SOX5: variants seen among roughly 807,000 people sequenced by gnomAD.
The protein encoded by SOX5 is transcription factor SOX-5.
Under a neutral mutation model 92.0 loss-of-function variants are expected in SOX5, and 9 were observed. The ratio of observed to expected loss-of-function variants is 0.10; its 90% CI spans 0.06 to 0.17. SOX5 has a LOEUF of 0.17. SOX5 is among the 10% of genes least tolerant of loss of function. SOX5 has a pLI of 1.00. For synonymous variants in SOX5, 344 were observed against 336.3 expected (o/e 1.02, Z -0.25); for missense variants, 642 against 944.5 (o/e 0.68, Z 4.20).
intron 7 of SOX5, among the ~76,000 whole-genome samples, chr12:23,647,697 C>G (rs2081040502): frequency 6.6e-6 from 1 of 152,186 alleles, no homozygotes; most frequent in Non-Finnish European, 1.5e-5. Context: ...AGATGGCTTC[C>G]TGAACCAACC....
intron 4 of SOX5, among the ~76,000 whole-genome samples, chr12:24,008,057 G>A (rs1952512869): frequency 6.6e-6 from 1 of 151,858 alleles, no homozygotes; most frequent in African/African-American, 2.4e-5. Flanking sequence ...CGTCTATAGA[G>A]AGAAATAACT....
At chr12:23,788,747 G>A (rs1047898095) in intron 3 of SOX5, among the ~76,000 whole-genome samples, 4 of 151,820 alleles carry the variant, frequency 2.6e-5, no homozygotes, top group Non-Finnish European at 5.9e-5. Flanking sequence ...ATTCTATATT[G>A]TTGAATAAAC....
intron 6 of SOX5, among the ~76,000 whole-genome samples, chr12:23,700,042 A>T (rs888575875): frequency 2.6e-5 from 4 of 152,160 alleles, no homozygotes; most frequent in African/African-American, 9.7e-5. Flanking sequence ...GAGTCATTGC[A>T]TATTTCCGCT....
At chr12:24,490,612 C>G (rs1269555994) in intron 1 of SOX5, among the ~76,000 whole-genome samples, 1 of 152,036 alleles carries the variant, frequency 6.6e-6, no homozygotes, top group East Asian at 1.9e-4. Context: ...GTTACATGGG[C>G]AGCTCACAGT....
chr12:24,419,801 G>A (rs1965634198), intron 1 of SOX5, among the ~76,000 whole-genome samples: 1 of 152,092 alleles, frequency 6.6e-6, no homozygotes, highest in Non-Finnish European at 1.5e-5. Flanking sequence ...ATAAACATTG[G>A]CAAATGGTGA....
chr12:23,530,210 A>T lies in SOX5; in HGVS notation c.*4009T>A, dbSNP rs1164730485. 1 of 152,348 alleles carries T rather than the reference A, an allele frequency of 6.6e-6. No individual in the cohort carries two copies. The highest frequency in any genetic ancestry group is 1.9e-4 in the East Asian group (1 of 5,194). 9.4% of individuals were successfully genotyped at this position (152,348 alleles called of 1,614,324 possible). ...TTAATTTGATAGACAAATACCTTAT[A>T]AACCTGTTTGTAAATATACAGTTGT... On this transcript the variant is annotated 3_prime_UTR_variant, in exon 15 of 15. Transcript: ENST00000451604.
intron 13 of SOX5, 129 bp from the exon 14 acceptor site, chr12:23,536,798 T>A (rs1940572918): frequency 1.4e-6 from 1 of 698,050 alleles, no homozygotes; most frequent in African/African-American, 1.8e-5. Flanking sequence ...AAACCTGTTT[T>A]TGATTAGTGA....
chr12:23,721,326 C>A (rs1031382119), intron 6 of SOX5, among the ~76,000 whole-genome samples: 5 of 151,998 alleles, frequency 3.3e-5, no homozygotes, highest in African/African-American at 1.2e-4. Flanking sequence ...CTTAGGTGAT[C>A]CACCAGCCTC....
At chr12:24,353,516 C>T (rs1954381827) in intron 2 of SOX5, among the ~76,000 whole-genome samples, 1 of 152,064 alleles carries the variant, frequency 6.6e-6, no homozygotes, top group Non-Finnish European at 1.5e-5. Context: ...AAAGTGAGGG[C>T]AGATGGAGGG....
intron 4 of SOX5, among the ~76,000 whole-genome samples, chr12:24,055,029 C>CA (rs1214259464): frequency 6.7e-6 from 1 of 149,714 alleles, no homozygotes; most frequent in Non-Finnish European, 1.5e-5. Flanking sequence ...TGAGTCTATT[C>CA]AAAAAAGCAA....
At chr12:24,466,641 T>G (rs1009779289) in intron 1 of SOX5, among the ~76,000 whole-genome samples, 3 of 152,254 alleles carry the variant, frequency 2.0e-5, no homozygotes, top group East Asian at 1.9e-4. Context: ...AAACCAAACA[T>G]TATGCATTAG....
In SOX5 at chr12:23,529,691, A is replaced by G. The variant is rs918582776; in HGVS notation, c.*4528T>C. 6.6e-6 allele frequency: 1 copy of G among 152,194 alleles called. No homozygotes were observed. The highest frequency in any genetic ancestry group is 1.5e-5 in the Non-Finnish European group (1 of 68,020). 9.4% of individuals were successfully genotyped at this position (152,194 alleles called of 1,614,324 possible). A position where few individuals can be genotyped will look rare whatever the true frequency, so the allele number is the denominator to read the frequency against. On this transcript the variant is annotated 3_prime_UTR_variant, in exon 15 of 15. Coordinates refer to ENST00000451604, the MANE Select transcript of SOX5 (RefSeq NM_006940.6). ...TTTATTGTGGCATGAATGATAACAT[A>G]AAACCAAAAACATGAAAATATACAA...
chr12:24,045,490 G>A (rs1412663572), intron 4 of SOX5, among the ~76,000 whole-genome samples: 3 of 152,114 alleles, frequency 2.0e-5, no homozygotes, highest in Non-Finnish European at 4.4e-5. Flanking sequence ...GTAGAGGTGG[G>A]GGTCTTACTA....
rs543916478 is a variant in SOX5, at chr12:23,633,968, G to T, written c.1017+6844C>A. Among the ~76,000 whole-genome samples the T allele has an allele frequency of 2.0e-5, 3 of 151,946 alleles. No homozygotes were observed. The East Asian group carries it at 5.8e-4, about 29-fold the overall frequency. The stretch of plus-strand genomic sequence containing the variant: ...GTTATGGTAAGATAAAGGGAAGAAA[G>T]AGCAGGAGAGACAGAGAGCTGTGGA... On this transcript the variant is annotated intron_variant, in intron 8 of 14. Coordinates refer to ENST00000451604, the MANE Select transcript of SOX5 (RefSeq NM_006940.6).
chr12:23,576,287 A>C (rs1269915995), intron 9 of SOX5, among the ~76,000 whole-genome samples: 5 of 152,264 alleles, frequency 3.3e-5, no homozygotes, highest in Admixed American at 3.3e-4. Flanking sequence ...ATGGAGGACC[A>C]CAGATAGTTG....
intron 2 of SOX5, among the ~76,000 whole-genome samples, chr12:24,281,635 G>A (rs1451813451): frequency 6.6e-6 from 1 of 152,118 alleles, no homozygotes; most frequent in African/African-American, 2.4e-5. Flanking sequence ...TTTAGCTCTT[G>A]AACAGTGAAA....
chr12:23,777,653 T>G (rs1211429863), intron 3 of SOX5, among the ~76,000 whole-genome samples: 1 of 152,138 alleles, frequency 6.6e-6, no homozygotes, highest in Admixed American at 6.5e-5. Context: ...AACTGACAAT[T>G]ATTTGGGTAA....
Position 23,896,099 on chromosome 12 carries a change from G to A in SOX5, c.39-75C>T, listed in dbSNP as rs192789733. 3.1e-5 allele frequency: 32 copies of A among 1,042,872 alleles called. No homozygotes were observed. In the Admixed American group the frequency reaches 5.7e-4, roughly 19 times the overall value. 64.6% of individuals were successfully genotyped at this position (1,042,872 alleles called of 1,614,324 possible). On this transcript the variant is annotated intron_variant, in intron 1 of 14. Coordinates refer to ENST00000451604, the MANE Select transcript of SOX5 (RefSeq NM_006940.6). ...TAATGCCGTCATTGTGTGGTTAGGG[G>A]CCATTGTAACAGAAATGCCTTTTTG...
chr12:24,021,280 A>G (rs950441199), intron 4 of SOX5, among the ~76,000 whole-genome samples: 2 of 152,088 alleles, frequency 1.3e-5, no homozygotes, highest in African/African-American at 4.8e-5. Flanking sequence ...GGCTCAGGAG[A>G]CCTGAAGGGC....
Sources: allele counts gnomAD v4.1 joint callset (sites outside exome capture counted in the v4.1 genomes callset), GRCh38; gene constraint gnomAD v4.1.1; transcripts MANE v1.5; gene names NCBI Gene and HGNC (gene_info 2026-07-23, HGNC 2026-07-21).